Variants in EEPD1 observed in about 807,000 individuals in gnomAD.
EEPD1 encodes the protein endonuclease/exonuclease/phosphatase family domain containing 1, also known as endonuclease/exonuclease/phosphatase family domain-containing protein 1.
EEPD1 carries 17 observed loss-of-function variants against 46.3 expected under a neutral mutation model. The ratio of observed to expected loss-of-function variants is 0.37; its 90% CI spans 0.25 to 0.55. The LOEUF (loss-of-function observed/expected upper bound fraction) is 0.55. Ranked by LOEUF, EEPD1 falls within the 20% of genes least tolerant of loss-of-function variation. EEPD1 has a pLI of 0.83. For synonymous variants in EEPD1, 313 were observed against 315.6 expected (o/e 0.99, Z 0.09); for missense variants, 673 against 745.6 (o/e 0.90, Z 1.13).
Position 36,225,828 on chromosome 7 carries a change from T to G in EEPD1, c.879-13157T>G, listed in dbSNP as rs1411666394. 6.6e-6 allele frequency among the ~76,000 whole-genome samples: 1 copy of G among 152,248 alleles called. No homozygotes were observed. The highest frequency in any genetic ancestry group is 1.5e-5 in the Non-Finnish European group (1 of 68,042). On this transcript the variant is annotated intron_variant, in intron 2 of 7. Coordinates refer to ENST00000242108, the MANE Select transcript of EEPD1 (RefSeq NM_030636.3). The surrounding 1 kb of genome is among the most constrained non-coding windows in gnomAD (Gnocchi z 4.2). ...TTATGTAGCAACCCAAACAATTTTA[T>G]GCTCAGCTGAGTTGCCTTTTGTCTG... is the stretch of plus-strand genomic sequence containing the variant.
rs570352389 is a variant in EEPD1 at position 36,175,388 on chromosome 7, G to A, written c.878+20186G>A. On this transcript the variant is annotated intron_variant, in intron 2 of 7. Transcript: ENST00000242108. ...TGGGACCACAGGTGCGTGCCACCAC[G>A]CCTGACTAATTTTTAAATTTTTTTG... 5.9e-5 allele frequency among the ~76,000 whole-genome samples: 9 copies of A among 152,118 alleles called. No homozygotes were observed. In the East Asian group the frequency reaches 1.5e-3, roughly 26 times the overall value.
chr7:36,211,080 A>G (rs1785922021), intron 2 of EEPD1, among the ~76,000 whole-genome samples: 1 of 152,216 alleles, frequency 6.6e-6, no homozygotes, highest in Non-Finnish European at 1.5e-5. Context: ...CCTGTCACAC[A>G]GAGTCAACAG....
intron 6 of EEPD1, among the ~76,000 whole-genome samples, chr7:36,292,128 G>C (rs552121713): frequency 6.6e-6 from 1 of 152,266 alleles, no homozygotes; most frequent in East Asian, 1.9e-4. Flanking sequence ...TGATCAGGAA[G>C]GGGGCCCACG....
chr7:36,271,061 A>G (rs748832059), intron 3 of EEPD1, among the ~76,000 whole-genome samples: 1 of 152,038 alleles, frequency 6.6e-6, no homozygotes, highest in South Asian at 2.1e-4. Context: ...ATCTCAGCTC[A>G]CTGCAACCTC....
At chr7:36,246,056 G>A (rs141731664) in intron 3 of EEPD1, among the ~76,000 whole-genome samples, 112 of 152,334 alleles carry the variant, frequency 7.4e-4, no homozygotes, top group African/African-American at 2.6e-3. Context: ...ATGGCTTCCT[G>A]CAAAGCCACA....
chr7:36,210,170 C>G (rs960659126), intron 2 of EEPD1, among the ~76,000 whole-genome samples: 1 of 151,946 alleles, frequency 6.6e-6, no homozygotes, highest in African/African-American at 2.4e-5. Context: ...TGTAACAGAG[C>G]AGGAAAGTGA....
chr7:36,159,160 G>A (rs576975296), intron 2 of EEPD1, among the ~76,000 whole-genome samples: 5 of 152,246 alleles, frequency 3.3e-5, no homozygotes, highest in Non-Finnish European at 5.9e-5. Flanking sequence ...TGAAAAATAT[G>A]TATTGAATGT....
At chr7:36,156,942 C>T (rs1009791164) in intron 2 of EEPD1, among the ~76,000 whole-genome samples, 2 of 151,878 alleles carry the variant, frequency 1.3e-5, no homozygotes, top group Non-Finnish European at 1.5e-5. Flanking sequence ...GGTTCCACAT[C>T]CATGGATTCA....
At chr7:36,213,836 A>G (rs1293663235) in intron 2 of EEPD1, among the ~76,000 whole-genome samples, 2 of 152,190 alleles carry the variant, frequency 1.3e-5, no homozygotes, top group African/African-American at 4.8e-5. Context: ...CCACAAGAGC[A>G]AGGGCAGGGC....
At chr7:36,237,060 G>C (rs1021867761) in intron 2 of EEPD1, among the ~76,000 whole-genome samples, 1 of 152,200 alleles carries the variant, frequency 6.6e-6, no homozygotes, top group South Asian at 2.1e-4. Flanking sequence ...CATTTCTGAA[G>C]TCAGGGAGAC....
At chr7:36,163,540 A>G (rs1004312892) in intron 2 of EEPD1, among the ~76,000 whole-genome samples, 2 of 152,106 alleles carry the variant, frequency 1.3e-5, no homozygotes, top group African/African-American at 4.8e-5. Flanking sequence ...CTTGGTTTAT[A>G]ATCCAAAGTC....
intron 3 of EEPD1, among the ~76,000 whole-genome samples, chr7:36,249,652 C>G (rs1447126146): frequency 6.6e-6 from 1 of 152,124 alleles, no homozygotes; most frequent in East Asian, 1.9e-4. Flanking sequence ...GCCGCTGTAC[C>G]TACTGCGGTT....
At chr7:36,244,082 A>G (rs1562699977) in intron 3 of EEPD1, among the ~76,000 whole-genome samples, 1 of 150,820 alleles carries the variant, frequency 6.6e-6, no homozygotes, top group African/African-American at 2.4e-5. Flanking sequence ...TCTTAATTCA[A>G]TAGGTAGAGC....
At chr7:36,296,694 C>CTTTTTTTTTTTT (rs60706978) in intron 6 of EEPD1, among the ~76,000 whole-genome samples, 2 of 83,152 alleles carry the variant, frequency 2.4e-5, no homozygotes, top group African/African-American at 9.4e-5. Flanking sequence ...ACCCTTAGGT[C>CTTTTTTTTTTTT]TTTTTTTTTT....
intron 3 of EEPD1, among the ~76,000 whole-genome samples, chr7:36,246,904 T>C (rs196546): frequency 0.12 from 18,757 of 152,016 alleles, 1,562 homozygotes; most frequent in Non-Finnish European, 0.18. Context: ...GGCGGGTGGA[T>C]CGCCTGAGGT....
chr7:36,193,368 GGCC>G lies in EEPD1; in HGVS notation c.878+38167_878+38169del, dbSNP rs1785515946. Among the ~76,000 whole-genome samples the G allele has an allele frequency of 6.6e-6, 1 of 152,192 alleles. No individual in the cohort carries two copies. Among genetic ancestry groups the G allele is most frequent in the African/African-American group, 2.4e-5 (1 of 41,436 alleles). The stretch of plus-strand genomic sequence containing the variant: ...GAGGAATGAAGGCGGGATGAGGTAT[GGCC>G]AGAGAGCAGAGGGAATGCCACACAG... On this transcript the variant is annotated intron_variant, in intron 2 of 7. Coordinates refer to ENST00000242108, the MANE Select transcript of EEPD1 (RefSeq NM_030636.3). The surrounding 1 kb of genome is among the most constrained non-coding windows in gnomAD (Gnocchi z 4.9).
At chr7:36,216,502 A>G (rs1786032143) in intron 2 of EEPD1, among the ~76,000 whole-genome samples, 1 of 152,240 alleles carries the variant, frequency 6.6e-6, no homozygotes. Context: ...GGAATTGTAA[A>G]TCTGCAAAGC....
At chr7:36,287,831 C>T (rs1172482424) in intron 6 of EEPD1, 54 bp downstream of exon 6, 2 of 1,591,672 alleles carry the variant, frequency 1.3e-6, no homozygotes, top group Non-Finnish European at 1.7e-6. Flanking sequence ...AGCAGCAGGG[C>T]TGCCTCTTCT....
At chr7:36,158,495 G>A (rs559007133) in intron 2 of EEPD1, among the ~76,000 whole-genome samples, 1 of 152,210 alleles carries the variant, frequency 6.6e-6, no homozygotes, top group Non-Finnish European at 1.5e-5. Context: ...ATGGGAGTTA[G>A]AGTCTTCTCT....
Sources: allele counts gnomAD v4.1 joint callset (sites outside exome capture counted in the v4.1 genomes callset), GRCh38; gene constraint gnomAD v4.1.1; non-coding constraint Gnocchi (gnomAD v3.1); transcripts MANE v1.5; gene names NCBI Gene and HGNC (gene_info 2026-07-23, HGNC 2026-07-21).